ABHD17B: variants seen among roughly 807,000 people sequenced by gnomAD.
The protein encoded by ABHD17B is abhydrolase domain containing 17B, depalmitoylase, also known as alpha/beta hydrolase domain-containing protein 17B.
In ABHD17B, 9 loss-of-function variants were observed where a neutral mutation model predicts 26.2. That is an observed-to-expected ratio of 0.34 (90% confidence interval 0.21 to 0.60). ABHD17B has a LOEUF of 0.60. Among genes scored for constraint, ABHD17B ranks in the 20% least tolerant of loss-of-function variants. ABHD17B has a pLI of 0.80. For synonymous variants in ABHD17B, 127 were observed against 122.3 expected (o/e 1.04, Z -0.25); for missense variants, 224 against 352.1 (o/e 0.64, Z 2.91).
chr9:71,901,175 T>A (rs1016689125), intron 1 of ABHD17B, among the ~76,000 whole-genome samples: 1 of 134,824 alleles, frequency 7.4e-6, no homozygotes, highest in Non-Finnish European at 1.7e-5. Flanking sequence ...AAATAAATAA[T>A]TTTTTTTTTT....
chr9:71,876,987 G>A (rs1003289206), intron 1 of ABHD17B, among the ~76,000 whole-genome samples: 1 of 152,152 alleles, frequency 6.6e-6, no homozygotes, highest in Non-Finnish European at 1.5e-5. Flanking sequence ...ACAAGAAATA[G>A]GACAGAAATA....
intron 1 of ABHD17B, among the ~76,000 whole-genome samples, chr9:71,877,392 T>G (rs2132145887): frequency 1.3e-5 from 2 of 152,328 alleles, no homozygotes; most frequent in Middle Eastern, 6.8e-3. Flanking sequence ...ACTATAGTCC[T>G]ATAATTTATC....
At chr9:71,873,862 T>C (rs1826184121) in intron 2 of ABHD17B, among the ~76,000 whole-genome samples, 1 of 152,128 alleles carries the variant, frequency 6.6e-6, no homozygotes, top group African/African-American at 2.4e-5. Flanking sequence ...TGATATAATC[T>C]CTCCCAATTT....
intron 3 of ABHD17B, 118 bp from the exon 4 acceptor site, chr9:71,867,124 G>C (rs1825981256): frequency 2.4e-6 from 3 of 1,271,918 alleles, no homozygotes; most frequent in Non-Finnish European, 2.1e-6. Context: ...AGTTCAGAAG[G>C]TAAGAATGTC....
intron 1 of ABHD17B, among the ~76,000 whole-genome samples, chr9:71,891,516 T>C (rs1406133422): frequency 6.6e-6 from 1 of 152,214 alleles, no homozygotes; most frequent in African/African-American, 2.4e-5. Context: ...GTAATGCTTG[T>C]TCATCTTGGG....
At chr9:71,897,808 T>C (rs1239901014) in intron 1 of ABHD17B, among the ~76,000 whole-genome samples, 6 of 152,190 alleles carry the variant, frequency 3.9e-5, no homozygotes, top group Non-Finnish European at 7.3e-5. Context: ...TACCACTTCC[T>C]TTTCCTCTGG....
At chr9:71,864,167 T>C (rs1362437493), downstream of ABHD17B, among the ~76,000 whole-genome samples, 1 of 151,838 alleles carries the variant, frequency 6.6e-6, no homozygotes, top group African/African-American at 2.4e-5. Context: ...CCATGCCATC[T>C]GTAATTGTGT....
At chr9:71,906,314 T>C (rs932184657) in intron 1 of ABHD17B, among the ~76,000 whole-genome samples, 8 of 152,358 alleles carry the variant, frequency 5.3e-5, no homozygotes, top group African/African-American at 1.7e-4. Context: ...TAGTTTGTTA[T>C]TTCAGAAAAT....
chr9:71,897,146 A>G (rs1395905478), intron 1 of ABHD17B, among the ~76,000 whole-genome samples: 1 of 152,236 alleles, frequency 6.6e-6, no homozygotes, highest in Non-Finnish European at 1.5e-5. Flanking sequence ...TGGCAGCTCC[A>G]AGAATAACCT....
At chr9:71,892,703 T>C (rs1001373301) in intron 1 of ABHD17B, among the ~76,000 whole-genome samples, 2 of 150,502 alleles carry the variant, frequency 1.3e-5, no homozygotes, top group East Asian at 3.9e-4. Context: ...GGTGAGAGAG[T>C]AAGGGAGGTT....
chr9:71,867,085 A>G (rs113634289), intron 3 of ABHD17B, 79 bp from the exon 4 acceptor site: 3 of 1,451,988 alleles, frequency 2.1e-6, no homozygotes, highest in African/African-American at 2.8e-5. Flanking sequence ...TATCAGACAG[A>G]TAATTCAAAT....
chr9:71,871,461 T>C (rs563693122), intron 2 of ABHD17B, among the ~76,000 whole-genome samples: 15 of 152,336 alleles, frequency 9.8e-5, no homozygotes, highest in African/African-American at 3.6e-4. Flanking sequence ...CAGACCTAGT[T>C]GCACATATTT....
At chr9:71,900,758 C>A (rs893446989) in intron 1 of ABHD17B, among the ~76,000 whole-genome samples, 2 of 152,148 alleles carry the variant, frequency 1.3e-5, no homozygotes, top group Admixed American at 1.3e-4. Flanking sequence ...ACTATCCCCC[C>A]CTCATCACTA....
chr9:71,896,267 G>A (rs947489895), intron 1 of ABHD17B, among the ~76,000 whole-genome samples: 12 of 152,118 alleles, frequency 7.9e-5, no homozygotes, highest in African/African-American at 2.9e-4. Context: ...GCTGTAGATA[G>A]GAATTTCTAC....
chr9:71,876,767 T>C (rs567589728), intron 1 of ABHD17B, among the ~76,000 whole-genome samples: 3 of 152,210 alleles, frequency 2.0e-5, no homozygotes, highest in African/African-American at 7.2e-5. Context: ...TATCCTATAA[T>C]GCTCAGTATA....
At chr9:71,865,129 G>A (rs895139955), downstream of ABHD17B, 3 of 984,024 alleles carry the variant, frequency 3.0e-6, no homozygotes, top group Middle Eastern at 5.2e-4. Context: ...TGGGGAGCAT[G>A]GAAAAAGGCA....
At chr9:71,882,324 CG>C in intron 1 of ABHD17B, among the ~76,000 whole-genome samples, 2 of 152,218 alleles carry the variant, frequency 1.3e-5, no homozygotes, top group Non-Finnish European at 2.9e-5. Flanking sequence ...AGCTGAAAAA[CG>C]TAAGCAATCC....
rs1825947178 is a variant in ABHD17B, at chr9:71,865,984, C to T, written c.*803G>A. ...GAAGACTACTGCAATTCTATGAAGA[C>T]TATGAGATCAGTCAAAATTTAAAAC... On this transcript the variant is annotated 3_prime_UTR_variant, in exon 4 of 4. Coordinates refer to ENST00000333421, the MANE Select transcript of ABHD17B (RefSeq NM_001025780.3). 2.0e-6 allele frequency: 2 copies of T among 985,258 alleles called. No individual in the cohort carries two copies. The highest frequency in any genetic ancestry group is 9.4e-5 in the South Asian group (2 of 21,282). The allele number at this position is 985,258 out of a possible 1,614,324, so 61.0% of individuals were successfully genotyped here.
At chr9:71,908,392 C>CA (rs371201006) in intron 1 of ABHD17B, among the ~76,000 whole-genome samples, 1,751 of 38,412 alleles carry the variant, frequency 0.046, 29 homozygotes, top group African/African-American at 0.076. Flanking sequence ...AACTCCGTCT[C>CA]AAAAAAAAAA....
Sources: allele counts gnomAD v4.1 joint callset (sites outside exome capture counted in the v4.1 genomes callset), GRCh38; gene constraint gnomAD v4.1.1; transcripts MANE v1.5; gene names NCBI Gene and HGNC (gene_info 2026-07-23, HGNC 2026-07-21).